The following AKAP12 variants were observed in gnomAD, a reference collection of about 807,000 sequenced individuals.
AKAP12 encodes the protein A-kinase anchoring protein 12.
In AKAP12, 32 loss-of-function variants were observed where a neutral mutation model predicts 79.9. The observed-to-expected ratio is 0.40, with a 90% CI of 0.30 to 0.54. AKAP12 has a LOEUF of 0.54. Ranked by LOEUF, AKAP12 falls within the 20% of genes least tolerant of loss-of-function variation. AKAP12 has a pLI of 0.48. For missense variants in AKAP12, 2,074 were observed against 2,177.0 expected (o/e 0.95, Z 0.94); for synonymous variants, 808 against 857.0 (o/e 0.94, Z 1.00).
At chr6:151,337,894 G>C (rs998149680) in intron 3 of AKAP12, among the ~76,000 whole-genome samples, 1 of 152,118 alleles carries the variant, frequency 6.6e-6, no homozygotes, top group Admixed American at 6.5e-5. Flanking sequence ...AAACTAGCCA[G>C]GAGTTGGTGG....
At chr6:151,332,034 T>TTGTTTTTG (rs1415075436) in intron 3 of AKAP12, among the ~76,000 whole-genome samples, 32,594 of 99,696 alleles carry the variant, frequency 0.33, 5,604 homozygotes, top group East Asian at 0.55. Flanking sequence ...TCTGGGTCTG[T>TTGTTTTTG]TTTTTTTTTT....
chr6:151,285,384 C>CTGTGTGTGTGTGTGTGTGTGTGTGTG (rs10680283), intron 2 of AKAP12, among the ~76,000 whole-genome samples: 1 of 136,462 alleles, frequency 7.3e-6, no homozygotes, highest in Non-Finnish European at 1.6e-5. Flanking sequence ...CTGCATTTCA[C>CTGTGTGTGTGTGTGTGTGTGTGTGTG]TGTGTGTGTG....
At chr6:151,326,489 TAAAAAAAA>T (rs746340831) in intron 3 of AKAP12, among the ~76,000 whole-genome samples, 41 of 80,326 alleles carry the variant, frequency 5.1e-4, no homozygotes, top group African/African-American at 1.5e-3. Context: ...CAACAAATAG[TAAAAAAAA>T]AAAAAAAAAG....
chr6:151,307,437 A>T (rs1776999803), intron 3 of AKAP12, among the ~76,000 whole-genome samples: 1 of 152,222 alleles, frequency 6.6e-6, no homozygotes, highest in East Asian at 1.9e-4. Context: ...AAGGGGCCAG[A>T]TAACAGGGCC....
At chr6:151,322,976 A>G (rs78145465) in intron 3 of AKAP12, among the ~76,000 whole-genome samples, 1,828 of 152,340 alleles carry the variant, frequency 0.012, 31 homozygotes, top group African/African-American at 0.042. Context: ...GTCTTCCTCT[A>G]AAAATCCTAA....
rs776901571 is a variant in AKAP12, at chr6:151,350,502, C to T, written c.2111C>T (p.Pro704Leu). ...TCCTCTTCTGATGAGGAAGGGGGAC[C>T]AAAAGCAATGGGAGGAGACCACCAG... ...RGSSSDEEGGPKAMGGDHQKA... is the reference protein window; with the variant it reads ...RGSSSDEEGGLKAMGGDHQKA... Residue 704 changes from proline to leucine, a missense_variant, in exon 4 of 5, where the codon CCA (proline) becomes CTA (leucine). Coordinates refer to ENST00000402676, the MANE Select transcript of AKAP12 (RefSeq NM_005100.4). This position sits in a 1 kb window ranked among gnomAD's most constrained non-coding sequence, Gnocchi z 4.8. 1.2e-6 allele frequency: 2 copies of T among 1,613,870 alleles called. No homozygotes were observed. Among genetic ancestry groups the T allele is most frequent in the East Asian group, 2.2e-5 (1 of 44,850 alleles).
intron 2 of AKAP12, among the ~76,000 whole-genome samples, chr6:151,243,084 GGATTCTGTTTCTCTA>G (rs1254843745): frequency 2.0e-5 from 3 of 152,160 alleles, no homozygotes; most frequent in African/African-American, 7.2e-5. Flanking sequence ...TGGGGGCTTT[GGATTCTGTTTCTCTA>G]GATATAGAGT....
chr6:151,305,218 G>A (rs1385298353), intron 2 of AKAP12, among the ~76,000 whole-genome samples: 2 of 148,206 alleles, frequency 1.3e-5, no homozygotes, highest in Non-Finnish European at 3.0e-5. Context: ...CAAGGGCTCT[G>A]TTTATTGTTA....
At chr6:151,339,342 A>C (rs222577) in intron 3 of AKAP12, among the ~76,000 whole-genome samples, 78,711 of 152,150 alleles carry the variant, frequency 0.52, 24,198 homozygotes, top group African/African-American at 0.86. Context: ...TCTAAGCACT[A>C]CCCAGCCAGC....
At chr6:151,346,226 C>G (rs1046446198) in intron 3 of AKAP12, among the ~76,000 whole-genome samples, 3 of 152,126 alleles carry the variant, frequency 2.0e-5, no homozygotes, top group Admixed American at 2.0e-4. Flanking sequence ...CAATACATCT[C>G]CCTCCTACTT....
intron 2 of AKAP12, among the ~76,000 whole-genome samples, chr6:151,266,577 T>C (rs1776033700): frequency 6.6e-6 from 1 of 152,210 alleles, no homozygotes; most frequent in African/African-American, 2.4e-5. Flanking sequence ...TGGCAACATG[T>C]CTCACCATAT....
rs142911046 is a variant in AKAP12, at chr6:151,350,162, G to A, written c.1771G>A (p.Glu591Lys). Residue 591 changes from glutamate to lysine, a missense_variant, in exon 4 of 5, where the codon GAA (glutamate) becomes AAA (lysine). Glu to Lys is a moderately conservative substitution (Grantham distance 56). Transcript: ENST00000402676. This position sits in a 1 kb window ranked among gnomAD's most constrained non-coding sequence, Gnocchi z 4.8. ...KGLAEVQQDG[E>K]AEEGATSDGE... The stretch of plus-strand genomic sequence containing the variant: ...CTTAGCCGAGGTGCAGCAGGATGGG[G>A]AAGCTGAAGAAGGAGCTACTTCCGA... 2.3e-5 allele frequency: 37 copies of A among 1,613,906 alleles called. No homozygotes were observed. Among genetic ancestry groups the A allele is most frequent in the Non-Finnish European group, 3.1e-5 (37 of 1,180,008 alleles).
chr6:151,348,806 C>T lies in AKAP12; in HGVS notation c.415C>T (p.Gln139Ter). 1 of 1,613,120 alleles carries T rather than the reference C, an allele frequency of 6.2e-7. No individual in the cohort carries two copies. The highest frequency in any genetic ancestry group is 8.5e-7 in the Non-Finnish European group (1 of 1,179,916). Residue 139 changes from glutamine (Q) to a stop codon, truncating the protein, a stop_gained, in exon 4 of 5, where the codon CAG becomes TAG. Coordinates refer to ENST00000402676, the MANE Select transcript of AKAP12 (RefSeq NM_005100.4). LOFTEE classifies it high-confidence loss of function. ...TGTTCACGACATCACAGATGATGGGCAGGAGGAGACACCCGAAATAATCGA... is the reference window on the plus strand; with the variant it reads ...TGTTCACGACATCACAGATGATGGGTAGGAGGAGACACCCGAAATAATCGA... ...AVVHDITDDGQEETPEIIEQI... is the reference protein window; with the variant it reads ...AVVHDITDDG
intron 2 of AKAP12, among the ~76,000 whole-genome samples, chr6:151,267,131 G>GT (rs1159899516): frequency 6.9e-6 from 1 of 145,918 alleles, no homozygotes; most frequent in Non-Finnish European, 1.5e-5. Flanking sequence ...TTGAGATTTT[G>GT]TAAAAAAAAA....
At chr6:151,281,606 T>C (rs1224370328) in intron 2 of AKAP12, among the ~76,000 whole-genome samples, 2 of 152,236 alleles carry the variant, frequency 1.3e-5, no homozygotes, top group Non-Finnish European at 2.9e-5. Flanking sequence ...TGATGCTATA[T>C]AGAATTTTAA....
In AKAP12 at chr6:151,351,004, G is replaced by A; in HGVS notation, c.2613G>A (p.Gln871=). The change falls in exon 4 of 5, where the codon CAG becomes CAA. Residue 871 remains glutamine (Q), a synonymous_variant. Coordinates refer to ENST00000402676, the MANE Select transcript of AKAP12 (RefSeq NM_005100.4). The surrounding 1 kb of genome is among the most constrained non-coding windows in gnomAD (Gnocchi z 4.4). ...AGCAAGCCCAAAAAAGCGCAGAGCA[G>A]CCCGAGCAGAAGGCAGCCACTGAGG... ...EAQQAQKSAE[Q]PEQKAATEVS... is the part of the protein sequence containing the mutation. 3 of 1,614,062 alleles carry A rather than the reference G, an allele frequency of 1.9e-6. No homozygotes were observed. The highest frequency in any genetic ancestry group is 1.7e-6 in the Non-Finnish European group (2 of 1,180,016).
chr6:151,319,464 TC>T (rs1274451224), intron 3 of AKAP12, among the ~76,000 whole-genome samples: 1 of 142,276 alleles, frequency 7.0e-6, no homozygotes, highest in African/African-American at 2.7e-5. Flanking sequence ...TATCTATCTA[TC>T]TATCTATCTA....
In AKAP12 at chr6:151,348,697, C is replaced by A; in HGVS notation, c.320-14C>A. On this transcript the variant is annotated splice_polypyrimidine_tract_variant and intron_variant, in intron 3 of 4. Transcript: ENST00000402676. ...TTCTCTTCTCCCCACCCCCCCGCCC[C>A]TTTTTGTTAATAGTTGGACAGAGAG... is the stretch of plus-strand genomic sequence containing the variant. 1 of 650,662 alleles carries A rather than the reference C, an allele frequency of 1.5e-6. No homozygotes were observed. Among genetic ancestry groups the A allele is most frequent in the South Asian group, 2.5e-5 (1 of 40,480 alleles). 40.3% of individuals were successfully genotyped at this position (650,662 alleles called of 1,614,324 possible).
intron 3 of AKAP12, among the ~76,000 whole-genome samples, chr6:151,311,034 C>T (rs984229376): frequency 6.6e-6 from 1 of 152,124 alleles, no homozygotes; most frequent in Non-Finnish European, 1.5e-5. Context: ...GTAGTGCAAT[C>T]ATGGTTCGAC....
Sources: gnomAD v4.1 joint callset for allele counts (sites outside exome capture counted in the v4.1 genomes callset) on GRCh38, gnomAD v4.1.1 for gene constraint, Gnocchi (gnomAD v3.1) non-coding constraint, MANE v1.5 for transcripts, NCBI Gene and HGNC (gene_info 2026-07-23, HGNC 2026-07-21) for gene names.